TMBIM1: variants seen among roughly 807,000 people sequenced by gnomAD.
TMBIM1 encodes protein lifeguard 3.
Under a neutral mutation model 45.1 loss-of-function variants are expected in TMBIM1, and 34 were observed. The observed-to-expected ratio is 0.75, with a 90% CI of 0.57 to 1.00. TMBIM1 has a LOEUF of 1.00. Among genes scored for constraint, TMBIM1 ranks in the 50% least tolerant of loss-of-function variants. TMBIM1 has a pLI of 0.00. For synonymous variants in TMBIM1, 157 were observed against 153.5 expected (o/e 1.02, Z -0.17); for missense variants, 374 against 402.4 (o/e 0.93, Z 0.60).
intron 2 of TMBIM1, chr2:218,280,455 C>G (rs1472160243): frequency 3.2e-6 from 1 of 316,814 alleles, no homozygotes; most frequent in Non-Finnish European, 6.1e-6. Flanking sequence ...ACTGGGGCAG[C>G]CAGCCAGGGC....
chr2:218,288,244 T>TGC (rs1692677230), intron 1 of TMBIM1, among the ~76,000 whole-genome samples: 2 of 152,042 alleles, frequency 1.3e-5, no homozygotes, highest in Admixed American at 6.5e-5. Flanking sequence ...CTGGCTAACA[T>TGC]GGTGAAACCC....
At chr2:218,280,539 G>A (rs1691801761) in intron 2 of TMBIM1, 3 of 254,024 alleles carry the variant, frequency 1.2e-5, no homozygotes, top group Non-Finnish European at 2.3e-5. Flanking sequence ...AGCAGGGATA[G>A]AGGTGAAGAC....
At chr2:218,278,376 T>C in intron 6 of TMBIM1, 139 bp downstream of exon 6, 5 of 859,930 alleles carry the variant, frequency 5.8e-6, no homozygotes, top group Non-Finnish European at 9.5e-6. Context: ...ACCTGAACAG[T>C]AGCTGTCATC....
chr2:218,277,478 CAA>C (rs749842610), intron 8 of TMBIM1, 25 bp from the exon 9 acceptor site: 18 of 1,613,312 alleles, frequency 1.1e-5, no homozygotes, highest in African/African-American at 6.7e-5. Flanking sequence ...GAGTTACAGA[CAA>C]GAGGCATTAA....
intron 1 of TMBIM1, chr2:218,287,283 C>G (rs576848496): frequency 8.5e-5 from 13 of 152,446 alleles, no homozygotes; most frequent in African/African-American, 2.9e-4. Context: ...TCTTCTTCGT[C>G]ATGGGTTTGG....
rs531035075 is a variant in TMBIM1 at position 218,277,343 on chromosome 2, G to A, written c.639+23C>T. ...TAAGAAAGGGGAGTCGGGGGGCCAGGGAAGGGCCCTCCATGCCCTCACCTT... is the reference window on the plus strand; with the variant it reads ...TAAGAAAGGGGAGTCGGGGGGCCAGAGAAGGGCCCTCCATGCCCTCACCTT... On this transcript the variant is annotated intron_variant, in intron 9 of 11. Transcript: ENST00000258412. 2.6e-5 allele frequency: 42 copies of A among 1,608,732 alleles called. 1 individual carries two copies. The South Asian group carries it at 4.6e-4, about 18-fold the overall frequency.
intron 1 of TMBIM1, among the ~76,000 whole-genome samples, chr2:218,288,425 T>C (rs1394488489): frequency 6.6e-6 from 1 of 151,894 alleles, no homozygotes; most frequent in Non-Finnish European, 1.5e-5. Context: ...GGAGACTCTG[T>C]CTCAAAAAAT....
intron 1 of TMBIM1, among the ~76,000 whole-genome samples, chr2:218,285,069 G>A (rs1692397441): frequency 6.6e-6 from 1 of 152,228 alleles, no homozygotes; most frequent in Non-Finnish European, 1.5e-5. Context: ...CAGCCTGGGT[G>A]ACAGAGTGAG....
In TMBIM1 at chr2:218,282,159, G is replaced by C. The variant is rs2292555; in HGVS notation, c.-18C>G. 0.39 allele frequency: 562,647 copies of C among 1,460,798 alleles called. 110,223 individuals carry two copies. Among genetic ancestry groups the C allele is most frequent in the Middle Eastern group, 0.49 (1,898 of 3,902 alleles). The allele number at this position is 1,460,798 out of a possible 1,614,324, so 90.5% of individuals were successfully genotyped here. ...TTGGACATGGCTGCTCACGGGCTGA[G>C]GGGGAACCCCAGCTGCTGGGACCTG... On this transcript the variant is annotated 5_prime_UTR_variant, in exon 2 of 12. Transcript: ENST00000258412.
In TMBIM1 at chr2:218,282,037, C is replaced by A. The variant is rs1012840883; in HGVS notation, c.105G>T (p.Gly35=). ...GYGQPSVLPG[G]YPAYPGYPQP... is the part of the protein sequence containing the mutation. ...GCGGGTAGCCAGGGTAGGCAGGATACCCTCCTGGCAGGACAGATGGCTGCC... is the reference window on the plus strand; with the variant it reads ...GCGGGTAGCCAGGGTAGGCAGGATAACCTCCTGGCAGGACAGATGGCTGCC... Residue 35 remains glycine (G), a synonymous_variant, in exon 2 of 12, where the codon GGG becomes GGT. Coordinates refer to ENST00000258412, the MANE Select transcript of TMBIM1 (RefSeq NM_022152.6). The A allele has an allele frequency of 1.9e-6, 3 of 1,607,112 alleles. No individual in the cohort carries two copies. In the African/African-American group the frequency reaches 4.0e-5, roughly 21 times the overall value.
intron 10 of TMBIM1, 143 bp from the exon 11 acceptor site, chr2:218,276,222 A>G: frequency 1.2e-6 from 1 of 836,786 alleles, no homozygotes. Context: ...GCCTTTCCAG[A>G]TCTTGGAGGA....
chr2:218,278,064 G>T, intron 6 of TMBIM1, 90 bp from the exon 7 acceptor site: 2 of 1,453,754 alleles, frequency 1.4e-6, no homozygotes, highest in South Asian at 1.2e-5. Context: ...TGGCTCCTGT[G>T]CCTGGAGGAT....
Position 218,277,946 on chromosome 2 carries a change from G to T in TMBIM1, c.502C>A (p.Leu168Met). The T allele has an allele frequency of 6.2e-7, 1 of 1,614,204 alleles. No individual in the cohort carries two copies. Among genetic ancestry groups the T allele is most frequent in the African/African-American group, 1.3e-5 (1 of 75,060 alleles). The part of the protein sequence containing the change: ...RRRFPWNIIL[L>M]TLFTFAMGFM... ...CCTTCTAGACTTACAAAAAGGGTCA[G>T]CAGAATGATGTTCCATGGGAAACGG... The change falls in exon 7 of 12, where the codon CTG becomes ATG. Residue 168 changes from leucine to methionine, a missense_variant. Transcript: ENST00000258412.
At chr2:218,281,668 T>G (rs1370738806) in intron 2 of TMBIM1, among the ~76,000 whole-genome samples, 2 of 152,178 alleles carry the variant, frequency 1.3e-5, no homozygotes, top group African/African-American at 4.8e-5. Context: ...GAGTCATTAC[T>G]TGGCCCAGCC....
chr2:218,289,130 G>A (rs1427244086), intron 1 of TMBIM1, among the ~76,000 whole-genome samples: 1 of 152,230 alleles, frequency 6.6e-6, no homozygotes, highest in Non-Finnish European at 1.5e-5. Context: ...GCACCAGGGT[G>A]GGGCCAAGGC....
chr2:218,278,798 A>T (rs1041934166), intron 5 of TMBIM1, among the ~76,000 whole-genome samples: 2 of 152,226 alleles, frequency 1.3e-5, no homozygotes. Flanking sequence ...CTGAGAGGAC[A>T]TGGGGGCTGC....
At chr2:218,288,770 A>C (rs1692722807) in intron 1 of TMBIM1, among the ~76,000 whole-genome samples, 1 of 152,192 alleles carries the variant, frequency 6.6e-6, no homozygotes, top group Admixed American at 6.5e-5. Context: ...GTAGGAGAGT[A>C]AAGTGTTTTC....
intron 3 of TMBIM1, 24 bp downstream of exon 3, chr2:218,280,002 C>G (rs769050310): frequency 1.7e-5 from 27 of 1,605,788 alleles, no homozygotes; most frequent in Middle Eastern, 1.7e-4. Flanking sequence ...CCCAGGTACA[C>G]CCACCTCCCA....
In TMBIM1 at chr2:218,282,226, G is replaced by A. The variant is rs558788541; in HGVS notation, c.-40-45C>T. The A allele has an allele frequency of 7.5e-5, 87 of 1,164,018 alleles. No homozygotes were observed. In the African/African-American group the frequency reaches 1.1e-3, roughly 15 times the overall value. 72.1% of individuals were successfully genotyped at this position (1,164,018 alleles called of 1,614,324 possible). A position where few individuals can be genotyped will look rare whatever the true frequency, so the allele number is the denominator to read the frequency against. Reference sequence around the variant, plus strand: ...AAGCAATCGTGAATGCCCAGGCCCAGCTCACTCAGCCTCATGGGCCCACTT... The same window carrying A: ...AAGCAATCGTGAATGCCCAGGCCCAACTCACTCAGCCTCATGGGCCCACTT... On this transcript the variant is annotated intron_variant, in intron 1 of 11. Coordinates refer to ENST00000258412, the MANE Select transcript of TMBIM1 (RefSeq NM_022152.6).
Sources: gnomAD v4.1 joint callset for allele counts (sites outside exome capture counted in the v4.1 genomes callset) on GRCh38, gnomAD v4.1.1 for gene constraint, MANE v1.5 for transcripts, NCBI Gene and HGNC (gene_info 2026-07-23, HGNC 2026-07-21) for gene names.